The following DISP1 variants were observed in gnomAD, a reference collection of about 807,000 sequenced individuals.
The protein encoded by DISP1 is protein dispatched homolog 1.
DISP1 carries 30 observed loss-of-function variants against 37.3 expected under a neutral mutation model. The ratio of observed to expected loss-of-function variants is 0.80; its 90% confidence interval spans 0.60 to 1.09. The LOEUF is 1.09. Ranked by LOEUF, DISP1 falls within the 50% of genes least tolerant of loss-of-function variation. The probability of loss-of-function intolerance (pLI) is 0.00; values close to 1 mark genes in which losing one functional copy is unlikely to be tolerated. For synonymous variants in DISP1, 634 were observed against 690.2 expected (o/e 0.92, Z 1.28); for missense variants, 1,598 against 1,879.5 (o/e 0.85, Z 2.77).
At chr1:222,979,219 G>A (rs1358887110) in intron 3 of DISP1, among the ~76,000 whole-genome samples, 1 of 152,036 alleles carries the variant, frequency 6.6e-6, no homozygotes, top group Non-Finnish European at 1.5e-5. Context: ...ACCAGCATAG[G>A]CAGCACAGGG....
At chr1:222,975,244 T>G (rs561809296) in intron 3 of DISP1, among the ~76,000 whole-genome samples, 4 of 152,216 alleles carry the variant, frequency 2.6e-5, no homozygotes, top group Middle Eastern at 3.4e-3. Context: ...AGGCCAGTCT[T>G]GAACTCCTGG....
chr1:222,989,404 G>T (rs17478205), intron 4 of DISP1: 1 of 985,110 alleles, frequency 1.0e-6, no homozygotes, highest in Non-Finnish European at 1.2e-6. Flanking sequence ...TTTAGAAAAC[G>T]TTCAGTTTAG....
intron 1 of DISP1, among the ~76,000 whole-genome samples, chr1:222,853,049 CATTA>C (rs1263959259): frequency 1.3e-5 from 2 of 152,066 alleles, no homozygotes; most frequent in Non-Finnish European, 2.9e-5. Flanking sequence ...TTTAGAATGC[CATTA>C]ATTATTTCAT....
At chr1:222,942,594 G>A (rs1674464798) in intron 2 of DISP1, among the ~76,000 whole-genome samples, 2 of 151,922 alleles carry the variant, frequency 1.3e-5, no homozygotes, top group African/African-American at 4.8e-5. Context: ...AATAGAAGAG[G>A]GTTTTTAAGG....
At chr1:222,947,057 A>G (rs1674840189) in intron 3 of DISP1, among the ~76,000 whole-genome samples, 1 of 152,168 alleles carries the variant, frequency 6.6e-6, no homozygotes, top group Admixed American at 6.5e-5. Context: ...AACCATTTTT[A>G]AGTATACAGT....
chr1:222,849,265 C>G (rs1054015184), intron 1 of DISP1, among the ~76,000 whole-genome samples: 1 of 152,190 alleles, frequency 6.6e-6, no homozygotes, highest in African/African-American at 2.4e-5. Context: ...TTCAACCACT[C>G]ACTTATAAAA....
intron 2 of DISP1, among the ~76,000 whole-genome samples, chr1:222,933,812 T>C (rs906484214): frequency 7.9e-5 from 12 of 152,150 alleles, no homozygotes; most frequent in African/African-American, 2.9e-4. Context: ...AAGAAGATTA[T>C]ATTTCTTTAT....
At chr1:222,843,699 G>C (rs985450653) in intron 1 of DISP1, among the ~76,000 whole-genome samples, 1 of 152,090 alleles carries the variant, frequency 6.6e-6, no homozygotes, top group Non-Finnish European at 1.5e-5. Flanking sequence ...TAAAAGTCCA[G>C]ATTGAAGGCC....
chr1:223,002,010 A>G (rs1189445804), intron 8 of DISP1, among the ~76,000 whole-genome samples: 1 of 152,226 alleles, frequency 6.6e-6, no homozygotes. Context: ...ATGTATATAC[A>G]TAAGCTTCAC....
intron 1 of DISP1, among the ~76,000 whole-genome samples, chr1:222,859,155 A>G (rs1668730616): frequency 6.6e-6 from 1 of 152,242 alleles, no homozygotes; most frequent in Admixed American, 6.5e-5. Context: ...GCAGCCATAA[A>G]AAGGAATGAG....
Position 223,001,663 on chromosome 1 carries a change from C to G in DISP1, c.988-722C>G, listed in dbSNP as rs114344610. ...TTAGCAGATTCAGTCTGGTGAGGACCTGTTCCTCATAGATGGGGCATTCTA... is the reference window on the plus strand; with the variant it reads ...TTAGCAGATTCAGTCTGGTGAGGACGTGTTCCTCATAGATGGGGCATTCTA... On this transcript the variant is annotated intron_variant, in intron 8 of 8. Transcript: ENST00000675850. Among the ~76,000 whole-genome samples, 903 of 152,272 alleles carry G rather than the reference C, an allele frequency of 5.9e-3. 10 individuals carry two copies. The highest frequency in any genetic ancestry group is 0.02 in the African/African-American group (846 of 41,560).
chr1:222,852,843 A>G (rs182973671), intron 1 of DISP1, among the ~76,000 whole-genome samples: 1 of 152,308 alleles, frequency 6.6e-6, no homozygotes, highest in East Asian at 1.9e-4. Flanking sequence ...TGTAGAACAT[A>G]GATAATACAA....
intron 8 of DISP1, 140 bp from the exon 9 acceptor site, chr1:223,002,245 T>C: frequency 2.4e-6 from 2 of 842,360 alleles, no homozygotes; most frequent in Non-Finnish European, 4.0e-6. Flanking sequence ...TTCAAACTGA[T>C]TCCTAGTTTA....
chr1:222,907,372 C>T (rs1558322875), intron 1 of DISP1, among the ~76,000 whole-genome samples: 1 of 152,130 alleles, frequency 6.6e-6, no homozygotes, highest in Non-Finnish European at 1.5e-5. Context: ...AGTGTGGTCC[C>T]ACACTTAGCA....
chr1:222,897,002 C>T (rs1671301573), intron 1 of DISP1, among the ~76,000 whole-genome samples: 1 of 152,152 alleles, frequency 6.6e-6, no homozygotes, highest in Non-Finnish European at 1.5e-5. Context: ...CCAGTAATTC[C>T]ATACATACAT....
Position 223,005,979 on chromosome 1 carries a change from C to G in DISP1, c.*7C>G, listed in dbSNP as rs372965042. On this transcript the variant is annotated 3_prime_UTR_variant, in exon 9 of 9. Transcript: ENST00000675850. ...GTTAATAAAAACACTATAATAAATGCAGCATTCAATTCAGAACCAGTGCCT... is the reference window on the plus strand; with the variant it reads ...GTTAATAAAAACACTATAATAAATGGAGCATTCAATTCAGAACCAGTGCCT... 5.4e-5 allele frequency: 87 copies of G among 1,604,906 alleles called. No individual in the cohort carries two copies. Among genetic ancestry groups the G allele is most frequent in the Admixed American group, 1.2e-4 (7 of 59,930 alleles).
At chr1:222,975,773 G>A (rs1464978151) in intron 3 of DISP1, among the ~76,000 whole-genome samples, 1 of 152,202 alleles carries the variant, frequency 6.6e-6, no homozygotes, top group Non-Finnish European at 1.5e-5. Context: ...CAAGTGTGAA[G>A]TGCCAAGGGC....
rs184578114 is a variant in DISP1, at chr1:222,950,554, C to T, written c.509+7222C>T. ...GGCAGAGCTTGCAGTGATCTGAGAT[C>T]GCACCACTGCACTCCGGCCTCGAGG... is the stretch of plus-strand genomic sequence containing the variant. On this transcript the variant is annotated intron_variant, in intron 3 of 8. Transcript: ENST00000675850. Among the ~76,000 whole-genome samples the T allele has an allele frequency of 1.6e-4, 24 of 151,872 alleles. No homozygotes were observed. The East Asian group carries it at 3.7e-3, about 23-fold the overall frequency.
intron 2 of DISP1, among the ~76,000 whole-genome samples, chr1:222,936,113 A>T (rs191611643): frequency 1.3e-5 from 2 of 152,178 alleles, no homozygotes; most frequent in African/African-American, 4.8e-5. Context: ...TGTGTGGTAG[A>T]CAAATACCTG....
Sources: allele counts gnomAD v4.1 joint callset (sites outside exome capture counted in the v4.1 genomes callset), GRCh38; gene constraint gnomAD v4.1.1; transcripts MANE v1.5; gene names NCBI Gene and HGNC (gene_info 2026-07-23, HGNC 2026-07-21).